MMP14: variants seen among roughly 807,000 people sequenced by gnomAD.
MMP14 encodes the protein matrix metallopeptidase 14.
Under a neutral mutation model 64.8 loss-of-function variants are expected in MMP14, and 13 were observed. The observed-to-expected ratio is 0.20, with a 90% CI of 0.13 to 0.32. The LOEUF (loss-of-function observed/expected upper bound fraction) is 0.32. Among genes scored for constraint, MMP14 ranks in the 10% least tolerant of loss-of-function variants. The pLI, the probability that MMP14 is intolerant of heterozygous loss-of-function variation, is 1.00. For missense variants in MMP14, 594 were observed against 783.8 expected (o/e 0.76, Z 2.89); for synonymous variants, 322 against 315.9 (o/e 1.02, Z -0.20).
chr14:22,842,831 T>TG lies in MMP14; in HGVS notation c.688+115dup. On this transcript the variant is annotated intron_variant, in intron 4 of 9. Coordinates refer to ENST00000311852, the MANE Select transcript of MMP14 (RefSeq NM_004995.4). This position sits in a 1 kb window ranked among gnomAD's most constrained non-coding sequence, Gnocchi z 5.3. ...GCTAGAAGGGACCACAGAGACCTTC[T>TG]GATCTAACTTCTGACAAAAGCAGGA... 1 of 1,127,356 alleles carries TG rather than the reference T, an allele frequency of 8.9e-7. No homozygotes were observed. The highest frequency in any genetic ancestry group is 1.2e-6 in the Non-Finnish European group (1 of 804,160). The allele number at this position is 1,127,356 out of a possible 1,614,324, so 69.8% of individuals were successfully genotyped here. A position where few individuals can be genotyped will look rare whatever the true frequency, so the allele number is the denominator to read the frequency against.
chr14:22,843,263 A>G lies in MMP14; in HGVS notation c.695A>G (p.Asp232Gly). Residue 232 changes from aspartate to glycine, a missense_variant, in exon 5 of 10, where the codon GAC becomes GGC. Around this residue, in one of 4 missense-constraint regions of MMP14, gnomAD observed 179 missense variants for 283.4 expected, o/e 0.63. Coordinates refer to ENST00000311852, the MANE Select transcript of MMP14 (RefSeq NM_004995.4). This position sits in a 1 kb window ranked among gnomAD's most constrained non-coding sequence, Gnocchi z 4.8. ...TVRNEDLNGN[D>G]IFLVAVHELG... ...ACTGTCCCCATCCTTCCAGGAAATGACATCTTCCTGGTGGCTGTGCACGAG... is the reference window on the plus strand; with the variant it reads ...ACTGTCCCCATCCTTCCAGGAAATGGCATCTTCCTGGTGGCTGTGCACGAG... 1 of 1,613,284 alleles carries G rather than the reference A, an allele frequency of 6.2e-7. No homozygotes were observed. Among genetic ancestry groups the G allele is most frequent in the East Asian group, 2.2e-5 (1 of 44,846 alleles).
rs751752624 is a variant in MMP14 at position 22,845,279 on chromosome 14, G to T, written c.1330G>T (p.Ala444Ser). The T allele has an allele frequency of 6.2e-7, 1 of 1,613,780 alleles. No individual in the cohort carries two copies. Among genetic ancestry groups the T allele is most frequent in the East Asian group, 2.2e-5 (1 of 44,876 alleles). Residue 444 changes from alanine to serine, a missense_variant, in exon 9 of 10, where the codon GCA becomes TCA. Physicochemically the swap from Ala to Ser is moderately conservative, Grantham distance 99. Around this residue, in one of 4 missense-constraint regions of MMP14, gnomAD observed 364 missense variants for 425.2 expected, o/e 0.86. Transcript: ENST00000311852. ...CTACCGTTTCAACGAAGAGCTCAGG[G>T]CAGTGGATAGCGAGTACCCCAAGAA... The part of the protein sequence containing the change: ...KYYRFNEELR[A>S]VDSEYPKNIK...
chr14:22,844,762 ACTT>A lies in MMP14; in HGVS notation c.1288_1290del (p.Phe430del). ...TTCTGGATGCCCAATGGAAAGACCTACTTCTTCCGTGGAAACAAGTAAGACCTC... is the reference window on the plus strand; with the variant it reads ...TTCTGGATGCCCAATGGAAAGACCTACTTCCGTGGAAACAAGTAAGACCTC... On this transcript the variant is annotated inframe_deletion, in exon 8 of 10. Coordinates refer to ENST00000311852, the MANE Select transcript of MMP14 (RefSeq NM_004995.4). 6.2e-7 allele frequency: 1 copy of A among 1,613,984 alleles called. No homozygotes were observed. The highest frequency in any genetic ancestry group is 8.5e-7 in the Non-Finnish European group (1 of 1,179,976).
chr14:22,842,169 A>G lies in MMP14; in HGVS notation c.380+134A>G, dbSNP rs1423573919. On this transcript the variant is annotated intron_variant, in intron 3 of 9. Transcript: ENST00000311852. The surrounding 1 kb of genome is among the most constrained non-coding windows in gnomAD (Gnocchi z 5.3). ...GAAGCATCCGTGGGAGTGGGGAGGA[A>G]AATGGCTCTCATCCTTGAGAGAGGT... 1 of 1,291,932 alleles carries G rather than the reference A, an allele frequency of 7.7e-7. No individual in the cohort carries two copies. The highest frequency in any genetic ancestry group is 2.4e-5 in the East Asian group (1 of 42,320). The allele number at this position is 1,291,932 out of a possible 1,614,324, so 80.0% of individuals were successfully genotyped here.
chr14:22,840,746 G>A (rs985522767), intron 1 of MMP14, among the ~76,000 whole-genome samples: 2 of 152,108 alleles, frequency 1.3e-5, no homozygotes, highest in African/African-American at 4.8e-5. Flanking sequence ...TCCTGACCTC[G>A]TGATCAGCCT....
intron 1 of MMP14, among the ~76,000 whole-genome samples, 154 bp from the exon 2 acceptor site, chr14:22,841,337 C>T (rs2039771139): frequency 6.6e-6 from 1 of 152,248 alleles, no homozygotes; most frequent in South Asian, 2.1e-4. Flanking sequence ...CAGGTCTAGC[C>T]TGGGAGTTCC....
rs1419125318 is a variant in MMP14 at position 22,846,468 on chromosome 14, T to G, written c.*429T>G. 11 of 171,460 alleles carry G rather than the reference T, an allele frequency of 6.4e-5. No homozygotes were observed. Among genetic ancestry groups the G allele is most frequent in the Non-Finnish European group, 9.9e-5 (8 of 80,926 alleles). The allele number at this position is 171,460 out of a possible 1,614,324, so 10.6% of individuals were successfully genotyped here. On this transcript the variant is annotated 3_prime_UTR_variant, in exon 10 of 10. Coordinates refer to ENST00000311852, the MANE Select transcript of MMP14 (RefSeq NM_004995.4). ...TCTGACCTCAGGAGGCTCTGGGCAC[T>G]CCAGCCCTGAAAGCCCCAGGTGTAC...
Position 22,846,027 on chromosome 14 carries a change from G to A in MMP14, c.1737G>A (p.Leu579=). 1 of 1,493,408 alleles carries A rather than the reference G, an allele frequency of 6.7e-7. No individual in the cohort carries two copies. The highest frequency in any genetic ancestry group is 8.9e-7 in the Non-Finnish European group (1 of 1,118,574). 92.5% of individuals were successfully genotyped at this position (1,493,408 alleles called of 1,614,324 possible). The stretch of plus-strand genomic sequence containing the variant: ...TGCTCTACTGCCAGCGTTCCCTGCT[G>A]GACAAGGTCTGACGCCCACCGCCGG... The part of the protein sequence containing the change: ...RRLLYCQRSL[L]DKV Residue 579 remains leucine (L), a synonymous_variant, in exon 10 of 10, where the codon CTG becomes CTA. Transcript: ENST00000311852.
In MMP14 at chr14:22,842,076, T is replaced by A; in HGVS notation, c.380+41T>A. On this transcript the variant is annotated intron_variant, in intron 3 of 9. Coordinates refer to ENST00000311852, the MANE Select transcript of MMP14 (RefSeq NM_004995.4). The surrounding 1 kb of genome is among the most constrained non-coding windows in gnomAD (Gnocchi z 5.3). ...AAGCAACCTTTCTCACATCTGGTTA[T>A]TATTTCCTACCCATTGTGCTTATGC... is the stretch of plus-strand genomic sequence containing the variant. The A allele has an allele frequency of 6.2e-7, 1 of 1,613,188 alleles. No individual in the cohort carries two copies. Among genetic ancestry groups the A allele is most frequent in the Non-Finnish European group, 8.5e-7 (1 of 1,179,308 alleles).
intron 2 of MMP14, 27 bp downstream of exon 2, chr14:22,841,666 C>T: frequency 6.2e-6 from 10 of 1,612,938 alleles, no homozygotes; most frequent in Non-Finnish European, 7.6e-6. Context: ...GGCAGGAGTT[C>T]TGCCTAGCAT....
At chr14:22,838,855 G>T (rs1377155005) in intron 1 of MMP14, among the ~76,000 whole-genome samples, 1 of 152,150 alleles carries the variant, frequency 6.6e-6, no homozygotes, top group South Asian at 2.1e-4. Context: ...CCTAGGCCTG[G>T]GGGGAGGAGA....
chr14:22,843,579 C>G lies in MMP14; in HGVS notation c.851-131C>G. The G allele has an allele frequency of 7.2e-7, 1 of 1,382,678 alleles. No individual in the cohort carries two copies. Among genetic ancestry groups the G allele is most frequent in the South Asian group, 1.4e-5 (1 of 74,070 alleles). 85.7% of individuals were successfully genotyped at this position (1,382,678 alleles called of 1,614,324 possible). ...TTTGAGCCCATCTTTTGTGTCGCCT[C>G]CCAGTTGGTTGCTTCAGCCTCCCCT... On this transcript the variant is annotated intron_variant, in intron 5 of 9. Transcript: ENST00000311852. This position sits in a 1 kb window ranked among gnomAD's most constrained non-coding sequence, Gnocchi z 4.8.
rs1423046246 is a variant in MMP14 at position 22,842,569 on chromosome 14, C to A, written c.540C>A (p.Phe180Leu). The A allele has an allele frequency of 1.9e-6, 3 of 1,614,230 alleles. No individual in the cohort carries two copies. The South Asian group carries it at 3.3e-5, about 18-fold the overall frequency. The change falls in exon 4 of 10, where the codon TTC becomes TTA. Residue 180 changes from phenylalanine to leucine, a missense_variant. By Grantham distance (22) the Phe-to-Leu change is conservative. Around this residue, in one of 4 missense-constraint regions of MMP14, gnomAD observed 179 missense variants for 283.4 expected, o/e 0.63. Transcript: ENST00000311852. This position sits in a 1 kb window ranked among gnomAD's most constrained non-coding sequence, Gnocchi z 5.3. ...AGAAGCAGGCCGACATCATGATCTT[C>A]TTTGCCGAGGGCTTCCATGGCGACA... ...GHEKQADIMI[F>L]FAEGFHGDST...
At position 22,843,309 on chromosome 14, in the gene MMP14, C is replaced by T. The variant is rs150962356; in HGVS notation, c.741C>T (p.Leu247=). 3.4e-4 allele frequency: 550 copies of T among 1,614,048 alleles called. 4 individuals carry two copies. The highest frequency in any genetic ancestry group is 3.3e-3 in the Middle Eastern group (20 of 6,062). ...AVHELGHALG[L]EHSSDPSAIM... ...ACGAGCTGGGCCATGCCCTGGGGCT[C>T]GAGCATTCCAGTGACCCCTCGGCCA... Residue 247 remains leucine, a synonymous_variant, in exon 5 of 10, where the codon CTC becomes CTT. Coordinates refer to ENST00000311852, the MANE Select transcript of MMP14 (RefSeq NM_004995.4). This position sits in a 1 kb window ranked among gnomAD's most constrained non-coding sequence, Gnocchi z 4.8.
chr14:22,842,606 G>A lies in MMP14; in HGVS notation c.577G>A (p.Asp193Asn). The A allele has an allele frequency of 6.2e-7, 1 of 1,614,208 alleles. No homozygotes were observed. Among genetic ancestry groups the A allele is most frequent in the Non-Finnish European group, 8.5e-7 (1 of 1,180,036 alleles). ...EGFHGDSTPF[D>N]GEGGFLAHAY... ...CTTCCATGGCGACAGCACGCCCTTC[G>A]ATGGTGAGGGCGGCTTCCTGGCCCA... Residue 193 changes from aspartate (D) to asparagine (N), a missense_variant, in exon 4 of 10, where the codon GAT (aspartate) becomes AAT (asparagine). Coordinates refer to ENST00000311852, the MANE Select transcript of MMP14 (RefSeq NM_004995.4). This position sits in a 1 kb window ranked among gnomAD's most constrained non-coding sequence, Gnocchi z 5.3.
Position 22,843,486 on chromosome 14 carries a change from C to T in MMP14, c.850+68C>T. On this transcript the variant is annotated intron_variant, in intron 5 of 9. Coordinates refer to ENST00000311852, the MANE Select transcript of MMP14 (RefSeq NM_004995.4). This position sits in a 1 kb window ranked among gnomAD's most constrained non-coding sequence, Gnocchi z 4.8. ...GTTCCCTCCTGGTCTACGCATTTCC[C>T]CTCTTTTATGCCTTGCAGTCTCCGC... The T allele has an allele frequency of 1.3e-6, 2 of 1,554,956 alleles. No homozygotes were observed. The highest frequency in any genetic ancestry group is 2.4e-5 in the South Asian group (2 of 84,354).
In MMP14 at chr14:22,843,319, A is replaced by G. The variant is rs1479903613; in HGVS notation, c.751A>G (p.Ser251Gly). 3 of 1,614,076 alleles carry G rather than the reference A, an allele frequency of 1.9e-6. No individual in the cohort carries two copies. Among genetic ancestry groups the G allele is most frequent in the South Asian group, 2.2e-5 (2 of 91,080 alleles). ...CCATGCCCTGGGGCTCGAGCATTCCAGTGACCCCTCGGCCATCATGGCACC... is the reference window on the plus strand; with the variant it reads ...CCATGCCCTGGGGCTCGAGCATTCCGGTGACCCCTCGGCCATCATGGCACC... ...LGHALGLEHS[S>G]DPSAIMAPFY... The change falls in exon 5 of 10, where the codon AGT becomes GGT. Residue 251 changes from serine to glycine, a missense_variant. This residue lies in a region of MMP14 where 6 missense variants were observed against 26.3 expected (regional missense o/e 0.23). Coordinates refer to ENST00000311852, the MANE Select transcript of MMP14 (RefSeq NM_004995.4). This position sits in a 1 kb window ranked among gnomAD's most constrained non-coding sequence, Gnocchi z 4.8.
chr14:22,841,372 C>G, intron 1 of MMP14, 119 bp from the exon 2 acceptor site: 5 of 1,326,222 alleles, frequency 3.8e-6, no homozygotes, highest in Middle Eastern at 2.7e-4. Context: ...CGGAGCCAAG[C>G]TGGGAACCCA....
chr14:22,841,701 A>G, intron 2 of MMP14, 62 bp downstream of exon 2: 1 of 1,603,706 alleles, frequency 6.2e-7, no homozygotes, highest in Non-Finnish European at 8.5e-7. Context: ...AGCGCCAGAG[A>G]TGTTCCTACC....
Sources: allele counts gnomAD v4.1 joint callset (sites outside exome capture counted in the v4.1 genomes callset), GRCh38; gene constraint gnomAD v4.1.1; regional missense constraint gnomAD v4.1.1; non-coding constraint Gnocchi (gnomAD v3.1); transcripts MANE v1.5; gene names NCBI Gene and HGNC (gene_info 2026-07-23, HGNC 2026-07-21).